The following KCNU1 variants were observed in gnomAD, a reference collection of about 807,000 sequenced individuals.
KCNU1 encodes the protein potassium channel subfamily U member 1.
In KCNU1, 93 loss-of-function variants were observed where a neutral mutation model predicts 126.8. The observed-to-expected ratio is 0.73, with a 90% CI of 0.62 to 0.87. The LOEUF is 0.87. KCNU1 is among the 40% of genes least tolerant of loss of function. The pLI is 0.00. For synonymous variants in KCNU1, 523 were observed against 494.2 expected (o/e 1.06, Z -0.77); for missense variants, 1,330 against 1,367.1 (o/e 0.97, Z 0.43).
intron 19 of KCNU1, among the ~76,000 whole-genome samples, chr8:36,902,891 G>T (rs972214715): frequency 1.4e-4 from 22 of 152,210 alleles, no homozygotes; most frequent in Non-Finnish European, 1.9e-4. Flanking sequence ...GTTGCCAAAA[G>T]ACATGTTAAT....
intron 19 of KCNU1, among the ~76,000 whole-genome samples, chr8:36,865,789 A>G (rs936264368): frequency 1.4e-4 from 21 of 151,248 alleles, no homozygotes; most frequent in Non-Finnish European, 1.0e-4. Flanking sequence ...AAAAAAAAAA[A>G]AAAAAAAAAG....
At chr8:36,824,950 T>C (rs1336291185) in intron 10 of KCNU1, among the ~76,000 whole-genome samples, 2 of 152,206 alleles carry the variant, frequency 1.3e-5, no homozygotes, top group African/African-American at 2.4e-5. Context: ...GTGCAAATTT[T>C]TGTATATGTA....
At position 36,910,982 on chromosome 8, in the gene KCNU1, C is replaced by A; in HGVS notation, c.2384C>A (p.Ser795Tyr). The change falls in exon 22 of 27, where the codon TCC becomes TAC. Residue 795 changes from serine to tyrosine, a missense_variant. By Grantham distance (144) the Ser-to-Tyr change is moderately radical. This residue lies in a region of KCNU1 where 1,054 missense variants were observed against 1,053.9 expected (regional missense o/e 1.00). Transcript: ENST00000399881. ...DLHAANIEQC[S>Y]MCAVLSPPPQ... ...CATGCGGCCAACATAGAGCAATGCTCCATGTGTGCTGTCTTGTCCCCCCCA... is the reference window on the plus strand; with the variant it reads ...CATGCGGCCAACATAGAGCAATGCTACATGTGTGCTGTCTTGTCCCCCCCA... 1.9e-6 allele frequency: 3 copies of A among 1,613,580 alleles called. No homozygotes were observed. The highest frequency in any genetic ancestry group is 2.5e-6 in the Non-Finnish European group (3 of 1,179,716).
intron 10 of KCNU1, among the ~76,000 whole-genome samples, chr8:36,819,059 CGTT>C (rs1804029636): frequency 6.6e-6 from 1 of 152,062 alleles, no homozygotes; most frequent in Non-Finnish European, 1.5e-5. Flanking sequence ...ATCTAACATG[CGTT>C]GTTGTATGTA....
intron 12 of KCNU1, among the ~76,000 whole-genome samples, 187 bp downstream of exon 12, chr8:36,835,055 A>C (rs1237235134): frequency 3.3e-5 from 5 of 152,182 alleles, no homozygotes; most frequent in South Asian, 2.1e-4. Flanking sequence ...AAAGGATAAA[A>C]ACGGAGCATC....
chr8:36,853,238 T>C (rs1019165343), intron 18 of KCNU1, among the ~76,000 whole-genome samples: 1 of 152,132 alleles, frequency 6.6e-6, no homozygotes. Flanking sequence ...TAGTCCCGGC[T>C]ACTCGGGAGG....
chr8:36,926,385 G>T (rs190080409), intron 24 of KCNU1, among the ~76,000 whole-genome samples: 1 of 152,118 alleles, frequency 6.6e-6, no homozygotes, highest in African/African-American at 2.4e-5. Flanking sequence ...AATGTTCTGT[G>T]CAGAAAGAAG....
chr8:36,892,803 G>A (rs1305094114), intron 19 of KCNU1, among the ~76,000 whole-genome samples: 1 of 152,000 alleles, frequency 6.6e-6, no homozygotes, highest in African/African-American at 2.4e-5. Context: ...TTTTTGGTTT[G>A]TGCAGTCTCA....
chr8:36,859,074 G>A (rs992286245), intron 18 of KCNU1, among the ~76,000 whole-genome samples: 1 of 152,126 alleles, frequency 6.6e-6, no homozygotes, highest in East Asian at 1.9e-4. Context: ...CCAGATGATG[G>A]CAGCAGAGTA....
At chr8:36,871,390 C>CAT (rs35847916) in intron 19 of KCNU1, among the ~76,000 whole-genome samples, 50,436 of 148,440 alleles carry the variant, frequency 0.34, 8,771 homozygotes, top group Non-Finnish European at 0.4. Context: ...AGCAAAGTAC[C>CAT]ATATATATAT....
At position 36,924,322 on chromosome 8, in the gene KCNU1, G is replaced by A. The variant is rs1808464429; in HGVS notation, c.2736+1693G>A. 2.6e-5 allele frequency among the ~76,000 whole-genome samples: 4 copies of A among 152,312 alleles called. No individual in the cohort carries two copies. In the South Asian group the frequency reaches 8.3e-4, roughly 32 times the overall value. On this transcript the variant is annotated intron_variant, in intron 24 of 26. Transcript: ENST00000399881. ...TTGATGAACTTGCTGCCTCCTGGAG[G>A]TCCACAGTGAGAGGCATCATGCCTG...
intron 2 of KCNU1, among the ~76,000 whole-genome samples, chr8:36,798,898 G>T (rs1004270378): frequency 6.6e-6 from 1 of 152,082 alleles, no homozygotes; most frequent in Non-Finnish European, 1.5e-5. Context: ...CACGGGCCAT[G>T]GTCACTCATA....
chr8:36,808,407 A>G (rs1480245899), intron 6 of KCNU1, among the ~76,000 whole-genome samples: 1 of 152,124 alleles, frequency 6.6e-6, no homozygotes, highest in Non-Finnish European at 1.5e-5. Flanking sequence ...ATATTTTAAA[A>G]AGTGATATGA....
chr8:36,831,792 T>C (rs1353865906), intron 10 of KCNU1, among the ~76,000 whole-genome samples: 3 of 150,536 alleles, frequency 2.0e-5, no homozygotes, highest in Non-Finnish European at 4.4e-5. Context: ...TTTTGGCTTT[T>C]GTTGCCATTG....
chr8:36,922,574 C>A lies in KCNU1; in HGVS notation c.2681C>A (p.Ala894Asp). ...LQETNLHLST[A>D]FSTGTVFSGS... ...GAAACAAATCTGCATCTCAGCACTG[C>A]CTTTTCTACGGGCACTGTTTTTTCC... Residue 894 changes from alanine (A) to aspartate (D), a missense_variant, in exon 24 of 27, where the codon GCC (alanine) becomes GAC (aspartate). Ala to Asp is a moderately radical substitution (Grantham distance 126). Coordinates refer to ENST00000399881, the MANE Select transcript of KCNU1 (RefSeq NM_001031836.3). The A allele has an allele frequency of 1.2e-6, 2 of 1,613,706 alleles. No homozygotes were observed. The highest frequency in any genetic ancestry group is 1.7e-6 in the Non-Finnish European group (2 of 1,179,762).
chr8:36,806,408 A>G (rs1803505565), intron 5 of KCNU1, 28 bp downstream of exon 5: 1 of 1,097,560 alleles, frequency 9.1e-7, no homozygotes, highest in Non-Finnish European at 1.3e-6. Context: ...ACGGGTAGCA[A>G]TATCTATGAA....
At chr8:36,912,223 T>G (rs903006714) in intron 22 of KCNU1, among the ~76,000 whole-genome samples, 4 of 152,194 alleles carry the variant, frequency 2.6e-5, no homozygotes, top group African/African-American at 9.6e-5. Context: ...TCGATAACAA[T>G]GTTCGTGATT....
At chr8:36,880,885 A>G (rs1218280986) in intron 19 of KCNU1, among the ~76,000 whole-genome samples, 1 of 152,200 alleles carries the variant, frequency 6.6e-6, no homozygotes, top group African/African-American at 2.4e-5. Context: ...AGAATTGAAT[A>G]TTCTTTGAGT....
intron 7 of KCNU1, among the ~76,000 whole-genome samples, chr8:36,813,195 G>T (rs1186093118): frequency 6.6e-6 from 1 of 152,048 alleles, no homozygotes; most frequent in Non-Finnish European, 1.5e-5. Context: ...TATTATAGGG[G>T]TCCACACTCT....
Sources: gnomAD v4.1 joint callset for allele counts (sites outside exome capture counted in the v4.1 genomes callset) on GRCh38, gnomAD v4.1.1 for gene constraint, gnomAD v4.1.1 regional missense constraint, MANE v1.5 for transcripts, NCBI Gene and HGNC (gene_info 2026-07-23, HGNC 2026-07-21) for gene names.